Variants in CACNA2D1 observed in about 807,000 individuals in gnomAD.
CACNA2D1 encodes calcium voltage-gated channel auxiliary subunit alpha2delta 1, also known as voltage-dependent calcium channel subunit alpha-2/delta-1.
In CACNA2D1, 53 loss-of-function variants were observed where a neutral mutation model predicts 171.5. The ratio of observed to expected loss-of-function variants is 0.31; its 90% CI spans 0.25 to 0.39. The LOEUF (loss-of-function observed/expected upper bound fraction) is 0.39. CACNA2D1 is among the 10% of genes least tolerant of loss of function. The pLI is 1.00. For synonymous variants in CACNA2D1, 442 were observed against 443.1 expected, an observed-to-expected ratio of 1.00 and a Z score of 0.03; for missense variants, 903 against 1,299.8, an observed-to-expected ratio of 0.69 and a Z score of 4.69.
intron 1 of CACNA2D1, among the ~76,000 whole-genome samples, chr7:82,402,277 T>C (rs1826512697): frequency 6.6e-6 from 1 of 152,200 alleles, no homozygotes; most frequent in Non-Finnish European, 1.5e-5. Flanking sequence ...TACCATAAAA[T>C]TCAGAACGTA....
chr7:82,037,863 C>A (rs1297194244), intron 11 of CACNA2D1, among the ~76,000 whole-genome samples: 3 of 152,000 alleles, frequency 2.0e-5, no homozygotes. Context: ...TAAAAAATAT[C>A]AAAAACTTAA....
chr7:82,094,777 A>G (rs1811661318), intron 6 of CACNA2D1, among the ~76,000 whole-genome samples: 1 of 152,222 alleles, frequency 6.6e-6, no homozygotes, highest in Non-Finnish European at 1.5e-5. Flanking sequence ...AAGTTTTCCA[A>G]TCTGACAAAA....
chr7:82,026,025 C>T (rs1444800784), intron 12 of CACNA2D1, among the ~76,000 whole-genome samples: 1 of 148,960 alleles, frequency 6.7e-6, no homozygotes, highest in Admixed American at 6.7e-5. Flanking sequence ...TATTATATAA[C>T]ATCCTTCTTT....
intron 12 of CACNA2D1, among the ~76,000 whole-genome samples, chr7:82,024,733 T>C (rs1215620253): frequency 6.6e-6 from 1 of 151,704 alleles, no homozygotes; most frequent in East Asian, 1.9e-4. Context: ...ATGAATGCCA[T>C]GAAGCTTTCT....
intron 6 of CACNA2D1, among the ~76,000 whole-genome samples, chr7:82,098,056 G>T (rs142775736): frequency 1.2e-3 from 190 of 152,250 alleles, no homozygotes; most frequent in Middle Eastern, 6.8e-3. Flanking sequence ...AGTGGTTGCA[G>T]TGAGCCGAGG....
At chr7:82,100,737 G>A (rs1217729240) in intron 6 of CACNA2D1, among the ~76,000 whole-genome samples, 2 of 151,920 alleles carry the variant, frequency 1.3e-5, no homozygotes, top group African/African-American at 4.8e-5. Flanking sequence ...TAGAAGATTT[G>A]AAATGGTATT....
intron 24 of CACNA2D1, among the ~76,000 whole-genome samples, chr7:81,980,743 G>A (rs1422994943): frequency 6.6e-6 from 1 of 152,114 alleles, no homozygotes; most frequent in Non-Finnish European, 1.5e-5. Flanking sequence ...GGCAGAGGCA[G>A]CTGAGATTGA....
At chr7:81,951,062 A>G (rs1256846406) in intron 38 of CACNA2D1, among the ~76,000 whole-genome samples, 1 of 152,078 alleles carries the variant, frequency 6.6e-6, no homozygotes, top group African/African-American at 2.4e-5. Context: ...ACCATTGTTT[A>G]TGTTGGTTCA....
chr7:82,016,876 C>G (rs766334720), intron 12 of CACNA2D1, among the ~76,000 whole-genome samples: 1 of 147,542 alleles, frequency 6.8e-6, no homozygotes, highest in Non-Finnish European at 1.5e-5. Flanking sequence ...TGAATCATTC[C>G]CATGTCATCA....
intron 3 of CACNA2D1, among the ~76,000 whole-genome samples, chr7:82,263,300 G>T (rs568736474): frequency 6.6e-6 from 1 of 151,750 alleles, no homozygotes; most frequent in African/African-American, 2.4e-5. Context: ...TAGTAGAGAT[G>T]GGGTTTCACC....
intron 34 of CACNA2D1, 28 bp from the exon 35 acceptor site, chr7:81,962,523 A>C: frequency 7.0e-7 from 1 of 1,436,940 alleles, no homozygotes; most frequent in Non-Finnish European, 9.6e-7. Context: ...AAAAAAAATA[A>C]ACATCTAGGG....
chr7:82,233,407 T>TATCATTATCCCAGAAATC (rs1803180588), intron 3 of CACNA2D1, among the ~76,000 whole-genome samples: 1 of 152,182 alleles, frequency 6.6e-6, no homozygotes, highest in Non-Finnish European at 1.5e-5. Flanking sequence ...AAACAGAAAT[T>TATCATTATCCCAGAAATC]ACCATTATCC....
At chr7:82,321,781 A>C (rs1815926313) in intron 3 of CACNA2D1, among the ~76,000 whole-genome samples, 1 of 152,190 alleles carries the variant, frequency 6.6e-6, no homozygotes, top group African/African-American at 2.4e-5. Flanking sequence ...AGAGAAAAGA[A>C]AACATGTTTC....
At chr7:82,149,796 A>AAAAAAAAAAAAAAAAG (rs1793595825) in intron 4 of CACNA2D1, among the ~76,000 whole-genome samples, 1 of 136,772 alleles carries the variant, frequency 7.3e-6, no homozygotes, top group African/African-American at 2.6e-5. Context: ...ACAAACAACA[A>AAAAAAAAAAAAAAAAG]AAAAAAAAAC....
intron 10 of CACNA2D1, among the ~76,000 whole-genome samples, chr7:82,043,628 A>G (rs1010017595): frequency 1.1e-4 from 16 of 152,350 alleles, no homozygotes; most frequent in Admixed American, 1.0e-3. Flanking sequence ...AAGTATCAGT[A>G]TCTCAAATGA....
At chr7:81,978,818 A>ATT (rs1554336469) in intron 24 of CACNA2D1, among the ~76,000 whole-genome samples, 44 of 22,214 alleles carry the variant, frequency 2.0e-3, no homozygotes, top group African/African-American at 6.8e-3. Flanking sequence ...ATATATATAT[A>ATT]TATTTATTTA....
chr7:82,317,505 T>A (rs936919110), intron 3 of CACNA2D1, among the ~76,000 whole-genome samples: 2 of 152,178 alleles, frequency 1.3e-5, no homozygotes, highest in African/African-American at 4.8e-5. Context: ...AGTGAGCATG[T>A]CTAAAATACT....
In CACNA2D1 at chr7:82,013,390, G is replaced by A. The variant is rs536989814; in HGVS notation, c.1272+71C>T. 631 of 583,612 alleles carry A rather than the reference G, an allele frequency of 1.1e-3. 3 individuals carry two copies. In the East Asian group the frequency reaches 0.013, roughly 12 times the overall value. The allele number at this position is 583,612 out of a possible 1,614,324, so 36.2% of individuals were successfully genotyped here. A position where few individuals can be genotyped will look rare whatever the true frequency, so the allele number is the denominator to read the frequency against. On this transcript the variant is annotated intron_variant, in intron 14 of 38. Coordinates refer to ENST00000356860, the MANE Select transcript of CACNA2D1 (RefSeq NM_000722.4). ...CATTCTTGCTAATTTTCTCCATATTGAGCATATTTAAACCAGAAAAATATC... is the reference window on the plus strand; with the variant it reads ...CATTCTTGCTAATTTTCTCCATATTAAGCATATTTAAACCAGAAAAATATC...
chr7:82,185,791 G>T (rs1257205861), intron 3 of CACNA2D1, among the ~76,000 whole-genome samples: 1 of 151,944 alleles, frequency 6.6e-6, no homozygotes, highest in African/African-American at 2.4e-5. Flanking sequence ...TTTATCCAGG[G>T]TATCTCCATG....
Sources: allele counts gnomAD v4.1 joint callset (sites outside exome capture counted in the v4.1 genomes callset), GRCh38; gene constraint gnomAD v4.1.1; transcripts MANE v1.5; gene names NCBI Gene and HGNC (gene_info 2026-07-23, HGNC 2026-07-21).